The following DGKI variants were observed in gnomAD, a reference collection of about 807,000 sequenced individuals.
The protein encoded by DGKI is diacylglycerol kinase iota.
Under a neutral mutation model 147.5 loss-of-function variants are expected in DGKI, and 55 were observed. That is an observed-to-expected ratio of 0.37 (90% CI 0.30 to 0.47). The LOEUF is 0.47. DGKI is among the 20% of genes least tolerant of loss of function. The probability of loss-of-function intolerance (pLI) is 1.00; values close to 1 mark genes in which losing one functional copy is unlikely to be tolerated. For missense variants in DGKI, 1,007 were observed against 1,323.8 expected (o/e 0.76, Z 3.71); for synonymous variants, 469 against 477.1 (o/e 0.98, Z 0.22).
intron 1 of DGKI, among the ~76,000 whole-genome samples, chr7:137,717,675 C>A (rs1478020712): frequency 6.6e-6 from 1 of 151,602 alleles, no homozygotes; most frequent in East Asian, 1.9e-4. Context: ...AGTTGAATTG[C>A]CATAAAAATT....
At chr7:137,632,687 T>C (rs1452197752) in intron 6 of DGKI, among the ~76,000 whole-genome samples, 3 of 151,818 alleles carry the variant, frequency 2.0e-5, no homozygotes, top group Non-Finnish European at 4.4e-5. Context: ...TGAAACCCCG[T>C]CTCCACTAAA....
chr7:137,755,795 G>A (rs1795660282), intron 1 of DGKI, among the ~76,000 whole-genome samples: 1 of 150,978 alleles, frequency 6.6e-6, no homozygotes, highest in African/African-American at 2.4e-5. Flanking sequence ...AACTGCAATT[G>A]CAAAAAAAAA....
chr7:137,699,824 C>T (rs1823916005), intron 1 of DGKI, among the ~76,000 whole-genome samples: 2 of 152,142 alleles, frequency 1.3e-5, no homozygotes, highest in African/African-American at 4.8e-5. Flanking sequence ...CTGTCACAAC[C>T]ACAGTCTTGC....
intron 7 of DGKI, among the ~76,000 whole-genome samples, chr7:137,620,724 C>G (rs1389688293): frequency 6.6e-6 from 1 of 152,200 alleles, no homozygotes; most frequent in Non-Finnish European, 1.5e-5. Context: ...CCAACAGTGA[C>G]ACTCAGACTG....
At chr7:137,662,148 C>T (rs1822457025) in intron 3 of DGKI, among the ~76,000 whole-genome samples, 1 of 152,008 alleles carries the variant, frequency 6.6e-6, no homozygotes, top group South Asian at 2.1e-4. Flanking sequence ...CGACCTCCAC[C>T]ATCACTCATG....
chr7:137,539,342 G>A (rs1817614936), intron 20 of DGKI, among the ~76,000 whole-genome samples: 1 of 152,146 alleles, frequency 6.6e-6, no homozygotes, highest in Non-Finnish European at 1.5e-5. Flanking sequence ...AGCCCCAAGA[G>A]ACCAGAAAGT....
At chr7:137,480,900 C>A (rs1226920477) in intron 23 of DGKI, among the ~76,000 whole-genome samples, 1 of 152,132 alleles carries the variant, frequency 6.6e-6, no homozygotes, top group African/African-American at 2.4e-5. Context: ...GCTCCTAGTT[C>A]TCTCTTTATT....
At chr7:137,636,200 A>T (rs1821307450) in intron 6 of DGKI, among the ~76,000 whole-genome samples, 1 of 152,188 alleles carries the variant, frequency 6.6e-6, no homozygotes, top group African/African-American at 2.4e-5. Context: ...AAGACCAGGG[A>T]ATCAGACTGC....
chr7:137,765,258 G>A (rs1433284050), intron 1 of DGKI, among the ~76,000 whole-genome samples: 1 of 151,988 alleles, frequency 6.6e-6, no homozygotes, highest in African/African-American at 2.4e-5. Context: ...CAGAACTACT[G>A]CCAGTAGATT....
chr7:137,823,118 T>C (rs1159322348), intron 1 of DGKI, among the ~76,000 whole-genome samples: 1 of 149,866 alleles, frequency 6.7e-6, no homozygotes, highest in East Asian at 1.9e-4. Flanking sequence ...AGCGAAGAGA[T>C]CTAAAAAGGT....
At chr7:137,804,477 T>A (rs1236275610) in intron 1 of DGKI, among the ~76,000 whole-genome samples, 3 of 152,210 alleles carry the variant, frequency 2.0e-5, no homozygotes, top group African/African-American at 7.2e-5. Context: ...TTGACCCCTG[T>A]GCCCCCATTT....
At chr7:137,806,668 C>A (rs1019256914) in intron 1 of DGKI, among the ~76,000 whole-genome samples, 1 of 152,078 alleles carries the variant, frequency 6.6e-6, no homozygotes, top group African/African-American at 2.4e-5. Flanking sequence ...CTCCTGACTT[C>A]GTGATCTGCC....
At chr7:137,835,475 T>G (rs188046403) in intron 1 of DGKI, among the ~76,000 whole-genome samples, 32 of 152,314 alleles carry the variant, frequency 2.1e-4, no homozygotes, top group Admixed American at 1.8e-3. Context: ...GAAATACTAT[T>G]CTTGGAATAC....
chr7:137,815,617 C>T (rs140584975), intron 1 of DGKI, among the ~76,000 whole-genome samples: 5 of 152,146 alleles, frequency 3.3e-5, no homozygotes, highest in Admixed American at 6.6e-5. Flanking sequence ...TGGATGTTCA[C>T]GCTAGGGACA....
intron 15 of DGKI, 89 bp from the exon 16 acceptor site, chr7:137,578,414 C>G: frequency 1.1e-6 from 1 of 901,132 alleles, no homozygotes; most frequent in Non-Finnish European, 1.8e-6. Flanking sequence ...CCAGCTCCCT[C>G]CTATCCTACA....
At chr7:137,722,439 C>T (rs896626090) in intron 1 of DGKI, 152 of 1,610,928 alleles carry the variant, frequency 9.4e-5, no homozygotes, top group Admixed American at 2.0e-4. Flanking sequence ...CCATTCTGAT[C>T]ATCCTCACTG....
chr7:137,732,660 A>T (rs1247459464), intron 1 of DGKI, among the ~76,000 whole-genome samples: 1 of 152,016 alleles, frequency 6.6e-6, no homozygotes, highest in Non-Finnish European at 1.5e-5. Context: ...AACTTTGGCT[A>T]TTTGGAAAAT....
At chr7:137,455,644 G>GA in intron 27 of DGKI, among the ~76,000 whole-genome samples, 1 of 123,246 alleles carries the variant, frequency 8.1e-6, no homozygotes, top group Non-Finnish European at 1.7e-5. Flanking sequence ...AAAAAAGGGG[G>GA]GGGGGCGGGG....
At chr7:137,555,270 T>C (rs1468831780) in intron 19 of DGKI, among the ~76,000 whole-genome samples, 2 of 151,558 alleles carry the variant, frequency 1.3e-5, no homozygotes, top group African/African-American at 2.4e-5. Flanking sequence ...CTCACATCTG[T>C]ATCCCAGCAC....
Sources: allele counts gnomAD v4.1 joint callset (sites outside exome capture counted in the v4.1 genomes callset), GRCh38; gene constraint gnomAD v4.1.1; transcripts MANE v1.5; gene names NCBI Gene and HGNC (gene_info 2026-07-23, HGNC 2026-07-21).